The following UBE2N variants were observed in gnomAD, a reference collection of about 807,000 sequenced individuals.
UBE2N encodes ubiquitin-conjugating enzyme E2 N.
For synonymous variants in UBE2N, 70 were observed against 69.2 expected, an observed-to-expected ratio of 1.01 and a Z score of -0.06; for missense variants, 60 against 192.1, an observed-to-expected ratio of 0.31 and a Z score of 4.07.
At chr12:93,421,720 G>A (rs1276758722) in intron 1 of UBE2N, among the ~76,000 whole-genome samples, 1 of 151,916 alleles carries the variant, frequency 6.6e-6, no homozygotes, top group Admixed American at 6.6e-5. Context: ...TTGAAAAATT[G>A]GTATATACTA....
In UBE2N at chr12:93,410,834, T is replaced by C. The variant is rs1479841976; in HGVS notation, c.318A>G (p.Leu106=). ...SPALQIRTVL[L]SIQALLSAPN... ...GAGCACTTAACAAGGCCTGGATCGA[T>C]AGCAGAACTGTGCGGATCTGCAGTG... is the stretch of plus-strand genomic sequence containing the variant. The change falls in exon 3 of 4, where the codon CTA becomes CTG. Residue 106 remains leucine (L), a synonymous_variant. Coordinates refer to ENST00000318066, the MANE Select transcript of UBE2N (RefSeq NM_003348.4). The C allele has an allele frequency of 9.9e-6, 16 of 1,614,070 alleles. No homozygotes were observed. The East Asian group carries it at 1.1e-4, about 11-fold the overall frequency.
intron 1 of UBE2N, chr12:93,429,171 G>A: frequency 6.7e-6 from 2 of 298,018 alleles, no homozygotes; most frequent in Non-Finnish European, 1.3e-5. Context: ...TCAGGAGGCT[G>A]AGGAAGTAGA....
intron 1 of UBE2N, among the ~76,000 whole-genome samples, chr12:93,415,819 T>C (rs1878188982): frequency 6.6e-6 from 1 of 152,200 alleles, no homozygotes; most frequent in Non-Finnish European, 1.5e-5. Flanking sequence ...GTAGCAGCTC[T>C]GTATCTACTA....
chr12:93,441,811 G>A (rs770571351), intron 1 of UBE2N, 44 bp downstream of exon 1: 3 of 1,576,580 alleles, frequency 1.9e-6, no homozygotes, highest in Non-Finnish European at 2.6e-6. Flanking sequence ...CAGCTGAGCC[G>A]ACGAGAGCAG....
At chr12:93,423,601 C>T (rs915512732) in intron 1 of UBE2N, among the ~76,000 whole-genome samples, 4 of 152,136 alleles carry the variant, frequency 2.6e-5, no homozygotes, top group East Asian at 1.9e-4. Flanking sequence ...CAAGAGTTAG[C>T]ACATCTGAAT....
At chr12:93,410,317 C>T in intron 3 of UBE2N, 1 of 512,426 alleles carries the variant, frequency 2.0e-6, no homozygotes, top group East Asian at 3.6e-5. Flanking sequence ...ATCAAGTTGT[C>T]CATTTCTAGA....
chr12:93,433,179 T>C (rs912949585), intron 1 of UBE2N, among the ~76,000 whole-genome samples: 1 of 152,084 alleles, frequency 6.6e-6, no homozygotes, highest in East Asian at 1.9e-4. Flanking sequence ...GTGATCCTCC[T>C]GCCTCGGCCT....
rs573845597 is a variant in UBE2N at position 93,423,407 on chromosome 12, G to A, written c.31-12108C>T. Among the ~76,000 whole-genome samples, 57 of 152,172 alleles carry A rather than the reference G, an allele frequency of 3.7e-4. 1 individual carries two copies. The highest frequency in any genetic ancestry group is 8.3e-4 in the South Asian group (4 of 4,828). On this transcript the variant is annotated intron_variant, in intron 1 of 3. Coordinates refer to ENST00000318066, the MANE Select transcript of UBE2N (RefSeq NM_003348.4). ...GAGGGGGTTGGGGGCTGGTAAATAC[G>A]TTAAGAAGCTAAATAACTCTTTGGG...
At chr12:93,425,035 T>C (rs1019629058) in intron 1 of UBE2N, among the ~76,000 whole-genome samples, 1 of 152,240 alleles carries the variant, frequency 6.6e-6, no homozygotes, top group Admixed American at 6.5e-5. Context: ...TGAAGCAGCA[T>C]CTTTGCAAAG....
At chr12:93,422,875 T>C (rs1878459966) in intron 1 of UBE2N, among the ~76,000 whole-genome samples, 1 of 152,206 alleles carries the variant, frequency 6.6e-6, no homozygotes, top group South Asian at 2.1e-4. Flanking sequence ...TCCCACTCTT[T>C]AGTATAATGT....
At chr12:93,422,846 A>G (rs1172624734) in intron 1 of UBE2N, among the ~76,000 whole-genome samples, 1 of 152,170 alleles carries the variant, frequency 6.6e-6, no homozygotes, top group Admixed American at 6.5e-5. Context: ...TCCCCCACTC[A>G]TTCATATGTT....
intron 1 of UBE2N, among the ~76,000 whole-genome samples, chr12:93,421,565 T>C (rs1182302749): frequency 6.6e-6 from 1 of 152,184 alleles, no homozygotes; most frequent in Non-Finnish European, 1.5e-5. Context: ...AAAAGGGCTA[T>C]TTTCAACCCT....
chr12:93,423,606 C>G (rs1214331283), intron 1 of UBE2N, among the ~76,000 whole-genome samples: 2 of 152,212 alleles, frequency 1.3e-5, no homozygotes, highest in South Asian at 2.1e-4. Flanking sequence ...GTTAGCACAT[C>G]TGAATTTAAT....
At chr12:93,435,938 T>C (rs574780005) in intron 1 of UBE2N, among the ~76,000 whole-genome samples, 12 of 152,130 alleles carry the variant, frequency 7.9e-5, no homozygotes, top group Middle Eastern at 3.2e-3. Flanking sequence ...TTAAGCACCA[T>C]AGACAAGGGA....
At chr12:93,428,077 C>G (rs1249338393) in intron 1 of UBE2N, among the ~76,000 whole-genome samples, 1 of 152,102 alleles carries the variant, frequency 6.6e-6, no homozygotes. Flanking sequence ...TGCCACCACA[C>G]CTGGCTAATT....
At chr12:93,436,564 CCT>C (rs1878939612) in intron 1 of UBE2N, among the ~76,000 whole-genome samples, 1 of 152,172 alleles carries the variant, frequency 6.6e-6, no homozygotes, top group South Asian at 2.1e-4. Context: ...TTATGCAGAA[CCT>C]CTCATTTGAG....
chr12:93,428,662 CAACA>C (rs1021598404), intron 1 of UBE2N, among the ~76,000 whole-genome samples: 50 of 152,332 alleles, frequency 3.3e-4, no homozygotes, highest in African/African-American at 1.2e-3. Context: ...GCTCTTAAAA[CAACA>C]AAAATATGTT....
At chr12:93,422,851 T>C (rs1369475038) in intron 1 of UBE2N, among the ~76,000 whole-genome samples, 1 of 152,256 alleles carries the variant, frequency 6.6e-6, no homozygotes, top group African/African-American at 2.4e-5. Context: ...CACTCATTCA[T>C]ATGTTCCTTT....
intron 1 of UBE2N, among the ~76,000 whole-genome samples, chr12:93,434,900 A>G (rs187568235): frequency 6.6e-6 from 1 of 151,714 alleles, no homozygotes; most frequent in Non-Finnish European, 1.5e-5. Context: ...GTATTTATTT[A>G]TTTATTTATT....
Sources: allele counts gnomAD v4.1 joint callset (sites outside exome capture counted in the v4.1 genomes callset), GRCh38; gene constraint gnomAD v4.1.1; transcripts MANE v1.5; gene names NCBI Gene and HGNC (gene_info 2026-07-23, HGNC 2026-07-21).